The following PTPRN2 variants were observed in gnomAD, a reference collection of about 807,000 sequenced individuals.
PTPRN2 encodes the protein protein tyrosine phosphatase receptor type N2, also known as receptor-type tyrosine-protein phosphatase N2.
In PTPRN2, 74 loss-of-function variants were observed where a neutral mutation model predicts 118.8. The observed-to-expected ratio is 0.62, with a 90% CI of 0.52 to 0.76. The LOEUF is 0.76. Among genes scored for constraint, PTPRN2 ranks in the 30% least tolerant of loss-of-function variants. The pLI, the probability that PTPRN2 is intolerant of heterozygous loss-of-function variation, is 0.00. For missense variants in PTPRN2, 1,481 were observed against 1,394.4 expected, an observed-to-expected ratio of 1.06 and a Z score of -0.99; for synonymous variants, 641 against 608.0, an observed-to-expected ratio of 1.05 and a Z score of -0.80.
chr7:158,403,483 A>G (rs1277737840), intron 2 of PTPRN2, among the ~76,000 whole-genome samples: 1 of 152,208 alleles, frequency 6.6e-6, no homozygotes, highest in African/African-American at 2.4e-5. Flanking sequence ...GGTAATCCTC[A>G]TGGGCTCCAG....
At chr7:157,569,609 A>T (rs1799661720) in intron 20 of PTPRN2, among the ~76,000 whole-genome samples, 1 of 152,242 alleles carries the variant, frequency 6.6e-6, no homozygotes, top group Non-Finnish European at 1.5e-5. Flanking sequence ...GAGTTGTAAA[A>T]ATGTTTTGAA....
chr7:157,965,298 T>G (rs1207177542), intron 11 of PTPRN2, among the ~76,000 whole-genome samples: 1 of 152,192 alleles, frequency 6.6e-6, no homozygotes. Context: ...TTATGAACAC[T>G]GGCAAGAGAG....
At chr7:157,993,735 C>A (rs1469580135) in intron 11 of PTPRN2, among the ~76,000 whole-genome samples, 1 of 152,178 alleles carries the variant, frequency 6.6e-6, no homozygotes, top group Non-Finnish European at 1.5e-5. Context: ...CAGGAAGAAC[C>A]CATCCTAGGT....
At chr7:158,238,112 C>T (rs1795652145) in intron 3 of PTPRN2, among the ~76,000 whole-genome samples, 1 of 152,272 alleles carries the variant, frequency 6.6e-6, no homozygotes, top group African/African-American at 2.4e-5. Context: ...CGTCCTGCCT[C>T]TCGGGGCGGC....
intron 13 of PTPRN2, among the ~76,000 whole-genome samples, chr7:157,661,314 T>C (rs1003547187): frequency 1.3e-5 from 2 of 152,280 alleles, no homozygotes; most frequent in Admixed American, 6.5e-5. Context: ...CCCCGAAAGC[T>C]TGGCGCAGAA....
At chr7:158,294,384 G>C (rs777955552) in intron 3 of PTPRN2, among the ~76,000 whole-genome samples, 11 of 152,156 alleles carry the variant, frequency 7.2e-5, no homozygotes, top group Non-Finnish European at 1.3e-4. Flanking sequence ...AATTACATGA[G>C]AGTTTGTTGT....
At chr7:158,317,935 G>A (rs1001561787) in intron 2 of PTPRN2, among the ~76,000 whole-genome samples, 1 of 152,194 alleles carries the variant, frequency 6.6e-6, no homozygotes, top group Admixed American at 6.5e-5. Context: ...AGCGTCCTGC[G>A]GGTTTCTATG....
intron 11 of PTPRN2, among the ~76,000 whole-genome samples, chr7:157,975,122 C>T (rs2128821714): frequency 6.6e-6 from 1 of 152,228 alleles, no homozygotes; most frequent in South Asian, 2.1e-4. Context: ...CTCCTGGGAC[C>T]TCGATCTTGG....
intron 2 of PTPRN2, among the ~76,000 whole-genome samples, chr7:158,339,851 C>T (rs1479162391): frequency 3.5e-5 from 4 of 113,314 alleles, no homozygotes; most frequent in Admixed American, 1.8e-4. Context: ...AGAAGTGACA[C>T]CTGCAGACAT....
intron 1 of PTPRN2, among the ~76,000 whole-genome samples, chr7:158,557,087 C>T (rs1827076651): frequency 7.2e-6 from 1 of 138,052 alleles, no homozygotes; most frequent in Non-Finnish European, 1.6e-5. Flanking sequence ...GGTCAGGCGG[C>T]TCCTGTGCAG....
chr7:157,809,351 T>C (rs1473668952), intron 12 of PTPRN2, among the ~76,000 whole-genome samples: 2 of 151,122 alleles, frequency 1.3e-5, no homozygotes, highest in Non-Finnish European at 2.9e-5. Flanking sequence ...GCCAGGAGGC[T>C]GTGACTCTGG....
At chr7:158,116,315 G>GA (rs1163912149) in intron 9 of PTPRN2, among the ~76,000 whole-genome samples, 9 of 152,210 alleles carry the variant, frequency 5.9e-5, no homozygotes, top group Non-Finnish European at 1.5e-5. Flanking sequence ...GAAACACCAG[G>GA]AATCTGTCTC....
At chr7:158,469,070 T>C (rs1733142) in intron 2 of PTPRN2, among the ~76,000 whole-genome samples, 93,279 of 140,626 alleles carry the variant, frequency 0.66, 31,314 homozygotes, top group Admixed American at 0.74. Flanking sequence ...CACACACTCC[T>C]GGTGGATCAA....
intron 6 of PTPRN2, among the ~76,000 whole-genome samples, chr7:158,146,905 G>A (rs1261090275): frequency 2.0e-5 from 3 of 151,644 alleles, no homozygotes; most frequent in Non-Finnish European, 2.9e-5. Flanking sequence ...AAGATCCTGT[G>A]AAGAGACTGA....
intron 12 of PTPRN2, among the ~76,000 whole-genome samples, chr7:157,824,033 C>A (rs992780708): frequency 6.6e-6 from 1 of 152,140 alleles, no homozygotes; most frequent in East Asian, 1.9e-4. Context: ...GGACTTCAAG[C>A]CCTCATAGAG....
chr7:158,345,600 G>T (rs573731904), intron 2 of PTPRN2, among the ~76,000 whole-genome samples: 1 of 152,226 alleles, frequency 6.6e-6, no homozygotes, highest in Non-Finnish European at 1.5e-5. Flanking sequence ...GTCACCCAGA[G>T]CTTTCCAATG....
intron 2 of PTPRN2, among the ~76,000 whole-genome samples, chr7:158,444,115 C>A (rs1429549297): frequency 6.6e-6 from 1 of 152,232 alleles, no homozygotes; most frequent in Non-Finnish European, 1.5e-5. Context: ...CTGCCACTCA[C>A]CCCTCCAACA....
chr7:158,115,863 G>A (rs1023276567), intron 9 of PTPRN2, among the ~76,000 whole-genome samples: 4 of 152,226 alleles, frequency 2.6e-5, no homozygotes, highest in Non-Finnish European at 5.9e-5. Context: ...ATCAGGTGAA[G>A]ATATGACAAG....
intron 2 of PTPRN2, among the ~76,000 whole-genome samples, chr7:158,382,122 T>A (rs545227740): frequency 6.6e-6 from 1 of 152,190 alleles, no homozygotes; most frequent in East Asian, 1.9e-4. Flanking sequence ...AGGAGAGAAA[T>A]GGTGGGCAGG....
Sources: gnomAD v4.1 joint callset for allele counts (sites outside exome capture counted in the v4.1 genomes callset) on GRCh38, gnomAD v4.1.1 for gene constraint, MANE v1.5 for transcripts, NCBI Gene and HGNC (gene_info 2026-07-23, HGNC 2026-07-21) for gene names.